The following DNTTIP1 variants were observed in gnomAD, a reference collection of about 807,000 sequenced individuals.
The protein encoded by DNTTIP1 is deoxynucleotidyltransferase terminal interacting protein 1.
DNTTIP1 carries 22 observed loss-of-function variants against 52.9 expected under a neutral mutation model. That is an observed-to-expected ratio of 0.42 (90% CI 0.30 to 0.59). The LOEUF (loss-of-function observed/expected upper bound fraction) is 0.59. Ranked by LOEUF, DNTTIP1 falls within the 20% of genes least tolerant of loss-of-function variation. The pLI, the probability that DNTTIP1 is intolerant of heterozygous loss-of-function variation, is 0.22. For missense variants in DNTTIP1, 286 were observed against 435.5 expected, an observed-to-expected ratio of 0.66 and a Z score of 3.06; for synonymous variants, 136 against 155.1, an observed-to-expected ratio of 0.88 and a Z score of 0.92.
intron 4 of DNTTIP1, among the ~76,000 whole-genome samples, chr20:45,800,111 T>C (rs1981376548): frequency 6.6e-6 from 1 of 150,484 alleles, no homozygotes; most frequent in Non-Finnish European, 1.5e-5. Flanking sequence ...CAGAGCAAGA[T>C]TCCATGTCAA....
At chr20:45,810,037 G>A (rs1431187600) in intron 11 of DNTTIP1, among the ~76,000 whole-genome samples, 2 of 151,910 alleles carry the variant, frequency 1.3e-5, no homozygotes, top group Non-Finnish European at 2.9e-5. Flanking sequence ...AAAAAAAAAA[G>A]TGTTTTTTAT....
Position 45,800,366 on chromosome 20 carries a change from A to G in DNTTIP1, c.373-708A>G, listed in dbSNP as rs140284693. ...TTTTTAAAAATAGATATCTATTTCT[A>G]TGCATATAAATATATATATGTGTGT... is the stretch of plus-strand genomic sequence containing the variant. On this transcript the variant is annotated intron_variant, in intron 4 of 12. Transcript: ENST00000372622. Among the ~76,000 whole-genome samples the G allele has an allele frequency of 9.8e-3, 1,485 of 152,082 alleles. 13 individuals carry two copies. The highest frequency in any genetic ancestry group is 0.015 in the Non-Finnish European group (1,028 of 68,006).
intron 6 of DNTTIP1, 49 bp downstream of exon 6, chr20:45,801,507 GCCGGGTGTGGTGGCTCACA>G: frequency 6.2e-7 from 1 of 1,602,616 alleles, no homozygotes; most frequent in Non-Finnish European, 8.5e-7. Flanking sequence ...GGCTTGTCAG[GCCGGGTGTGGTGGCTCACA>G]CCTGTAATCC....
chr20:45,791,960 C>G lies in DNTTIP1; in HGVS notation c.-45C>G. On this transcript the variant is annotated 5_prime_UTR_variant, in exon 1 of 13. Transcript: ENST00000372622. The stretch of plus-strand genomic sequence containing the variant: ...CCAGTGACGTCACGGCGCCACTTTC[C>G]GGCCGGTGACAGAGTCCAGCGGAGT... 1 of 1,192,686 alleles carries G rather than the reference C, an allele frequency of 8.4e-7. No individual in the cohort carries two copies. Among genetic ancestry groups the G allele is most frequent in the Non-Finnish European group, 1.1e-6 (1 of 949,516 alleles). The allele number at this position is 1,192,686 out of a possible 1,614,324, so 73.9% of individuals were successfully genotyped here.
chr20:45,803,712 C>T (rs1248344859), intron 8 of DNTTIP1, among the ~76,000 whole-genome samples: 1 of 152,200 alleles, frequency 6.6e-6, no homozygotes, highest in Non-Finnish European at 1.5e-5. Context: ...TTATAACAAA[C>T]TTATGAGATC....
intron 2 of DNTTIP1, 145 bp downstream of exon 2, chr20:45,792,892 C>T (rs1448750020): frequency 3.0e-6 from 2 of 668,876 alleles, no homozygotes; most frequent in Non-Finnish European, 4.8e-6. Flanking sequence ...TTCTGTAACT[C>T]TGTGTGATCT....
At chr20:45,807,285 C>G (rs1279985693) in intron 10 of DNTTIP1, among the ~76,000 whole-genome samples, 1 of 152,016 alleles carries the variant, frequency 6.6e-6, no homozygotes, top group African/African-American at 2.4e-5. Context: ...CCATGCCCGG[C>G]TAATTTTTGT....
At chr20:45,792,447 C>T (rs1000728558) in intron 1 of DNTTIP1, 2 of 501,814 alleles carry the variant, frequency 4.0e-6, no homozygotes, top group Admixed American at 7.6e-5. Context: ...TACTGCTTCC[C>T]TTCCTCCTGC....
chr20:45,794,507 CTTTT>C (rs148427742), intron 3 of DNTTIP1, among the ~76,000 whole-genome samples: 6 of 151,674 alleles, frequency 4.0e-5, no homozygotes, highest in Non-Finnish European at 7.4e-5. Context: ...ATTCAGATAC[CTTTT>C]TTTTTTAAAA....
At chr20:45,799,712 T>G (rs1201157446) in intron 4 of DNTTIP1, among the ~76,000 whole-genome samples, 1 of 152,120 alleles carries the variant, frequency 6.6e-6, no homozygotes, top group Non-Finnish European at 1.5e-5. Context: ...GTTTCTGTGC[T>G]TATTATCCAG....
chr20:45,809,552 T>C lies in DNTTIP1; in HGVS notation c.795+367T>C, dbSNP rs923196428. Reference sequence around the variant, plus strand: ...ATCACTCTTCCACCAGACACAGCTATAGAATCTTTTCTCAACACAGTACTT... The same window carrying C: ...ATCACTCTTCCACCAGACACAGCTACAGAATCTTTTCTCAACACAGTACTT... On this transcript the variant is annotated intron_variant, in intron 11 of 12. Coordinates refer to ENST00000372622, the MANE Select transcript of DNTTIP1 (RefSeq NM_052951.3). This position sits in a 1 kb window ranked among gnomAD's most constrained non-coding sequence, Gnocchi z 4.2. Among the ~76,000 whole-genome samples, 1 of 152,230 alleles carries C rather than the reference T, an allele frequency of 6.6e-6. No individual in the cohort carries two copies. Among genetic ancestry groups the C allele is most frequent in the Non-Finnish European group, 1.5e-5 (1 of 68,042 alleles).
chr20:45,808,724 A>G (rs1981729332), intron 10 of DNTTIP1, among the ~76,000 whole-genome samples: 1 of 152,212 alleles, frequency 6.6e-6, no homozygotes. Flanking sequence ...TGATGCTATT[A>G]TGCGTCCGAG....
intron 7 of DNTTIP1, 146 bp from the exon 8 acceptor site, chr20:45,803,187 G>A (rs1210224111): frequency 1.4e-6 from 1 of 717,434 alleles, no homozygotes; most frequent in Non-Finnish European, 2.3e-6. Flanking sequence ...TTTTCCCTTT[G>A]TTCCTCCTCT....
chr20:45,800,967 C>G, intron 4 of DNTTIP1, 107 bp from the exon 5 acceptor site: 2 of 941,108 alleles, frequency 2.1e-6, no homozygotes, highest in Admixed American at 3.8e-5. Context: ...GCACTCCAGC[C>G]TGAGCAACAG....
chr20:45,805,167 G>A lies in DNTTIP1; in HGVS notation c.625G>A (p.Glu209Lys). Residue 209 changes from glutamate (E) to lysine (K), a missense_variant, in exon 9 of 13, where the codon GAA becomes AAA. Physicochemically the swap from Glu to Lys is moderately conservative, Grantham distance 56. This residue lies in a region of DNTTIP1 where 78 missense variants were observed against 169.0 expected (regional missense o/e 0.46). Coordinates refer to ENST00000372622, the MANE Select transcript of DNTTIP1 (RefSeq NM_052951.3). The part of the protein sequence containing the change: ...GPKWDPARLN[E>K]STTFVLGSRA... Reference sequence around the variant, plus strand: ...ACAGTGGGACCCAGCTCGCCTGAATGAATCTACCACCTTTGTGTTGGGATC... The same window carrying A: ...ACAGTGGGACCCAGCTCGCCTGAATAAATCTACCACCTTTGTGTTGGGATC... 1 of 1,614,224 alleles carries A rather than the reference G, an allele frequency of 6.2e-7. No individual in the cohort carries two copies. Among genetic ancestry groups the A allele is most frequent in the Non-Finnish European group, 8.5e-7 (1 of 1,180,046 alleles).
chr20:45,793,299 A>G (rs1284489215), intron 2 of DNTTIP1, among the ~76,000 whole-genome samples: 1 of 152,084 alleles, frequency 6.6e-6, no homozygotes, highest in Non-Finnish European at 1.5e-5. Flanking sequence ...GCGGTGGCTC[A>G]CGCCTGTAAT....
rs1981842317 is a variant in DNTTIP1, at chr20:45,811,270, GA to G, written c.*76del. 1 of 1,523,418 alleles carries G rather than the reference GA, an allele frequency of 6.6e-7. No homozygotes were observed. The highest frequency in any genetic ancestry group is 2.1e-5 in the Admixed American group (1 of 48,334). The allele number at this position is 1,523,418 out of a possible 1,614,324, so 94.4% of individuals were successfully genotyped here. On this transcript the variant is annotated 3_prime_UTR_variant, in exon 13 of 13. Transcript: ENST00000372622. ...CTCACGTGGCTGAGGCCACCGCTGG[GA>G]CTGCTCCTAGATGGATCTCAGCGGC...
At chr20:45,810,824 T>C (rs764554630) in intron 11 of DNTTIP1, 61 bp from the exon 12 acceptor site, 3 of 1,473,374 alleles carry the variant, frequency 2.0e-6, no homozygotes, top group South Asian at 1.1e-5. Context: ...TTTAATGAAG[T>C]GTTACTGAGT....
At chr20:45,804,222 A>C (rs1981564099) in intron 8 of DNTTIP1, among the ~76,000 whole-genome samples, 2 of 152,158 alleles carry the variant, frequency 1.3e-5, no homozygotes, top group Non-Finnish European at 2.9e-5. Context: ...ATCTTTCCTC[A>C]CAGCCCTTCT....
Sources: gnomAD v4.1 joint callset for allele counts (sites outside exome capture counted in the v4.1 genomes callset) on GRCh38, gnomAD v4.1.1 for gene constraint, gnomAD v4.1.1 regional missense constraint, Gnocchi (gnomAD v3.1) non-coding constraint, MANE v1.5 for transcripts, NCBI Gene and HGNC (gene_info 2026-07-23, HGNC 2026-07-21) for gene names.